The following LIMCH1 variants were observed in gnomAD, a reference collection of about 807,000 sequenced individuals.
LIMCH1 encodes LIM and calponin homology domains-containing protein 1.
LIMCH1 carries 113 observed loss-of-function variants against 176.5 expected under a neutral mutation model. That is an observed-to-expected ratio of 0.64 (90% CI 0.55 to 0.75). The LOEUF is 0.75. Ranked by LOEUF, LIMCH1 falls within the 30% of genes least tolerant of loss-of-function variation. LIMCH1 has a pLI of 0.00. For missense variants in LIMCH1, 1,674 were observed against 1,814.9 expected (o/e 0.92, Z 1.41); for synonymous variants, 619 against 645.9 (o/e 0.96, Z 0.63).
intron 2 of LIMCH1, among the ~76,000 whole-genome samples, chr4:41,516,332 C>A (rs1444477812): frequency 6.6e-6 from 1 of 152,090 alleles, no homozygotes; most frequent in African/African-American, 2.4e-5. Context: ...TGCAGTGGGC[C>A]TGTGGATTAG....
intron 1 of LIMCH1, among the ~76,000 whole-genome samples, chr4:41,438,698 T>TG (rs1455882651): frequency 7.2e-5 from 11 of 151,998 alleles, no homozygotes; most frequent in African/African-American, 1.7e-4. Flanking sequence ...CTATTTTTTT[T>TG]TTTTGTTTTG....
At chr4:41,537,996 CT>C (rs1233307016), upstream of LIMCH1, among the ~76,000 whole-genome samples, 3 of 152,202 alleles carry the variant, frequency 2.0e-5, no homozygotes, top group Admixed American at 2.0e-4. Flanking sequence ...TGCAAACCTA[CT>C]GTGTGCTAGT....
intron 31 of LIMCH1, among the ~76,000 whole-genome samples, chr4:41,693,780 G>C (rs1488768536): frequency 6.6e-6 from 1 of 152,088 alleles, no homozygotes; most frequent in Admixed American, 6.6e-5. Context: ...GTGAACCACA[G>C]TGAATGTAAT....
chr4:41,530,819 ATTT>A (rs71650934), intron 3 of LIMCH1, among the ~76,000 whole-genome samples: 10,278 of 84,166 alleles, frequency 0.12, 755 homozygotes, highest in South Asian at 0.25. Context: ...AAAAAAAAAA[ATTT>A]TTTTTTTTTT....
chr4:41,563,047 C>G (rs1181511585), intron 1 of LIMCH1, among the ~76,000 whole-genome samples: 1 of 152,156 alleles, frequency 6.6e-6, no homozygotes, highest in Non-Finnish European at 1.5e-5. Context: ...AAAGGATTGT[C>G]CTGTAAACTT....
intron 1 of LIMCH1, among the ~76,000 whole-genome samples, chr4:41,578,425 G>A (rs2084860513): frequency 6.6e-6 from 1 of 152,132 alleles, no homozygotes; most frequent in Non-Finnish European, 1.5e-5. Flanking sequence ...GATGAGATAT[G>A]GGTGGGGACA....
At chr4:41,419,602 CCG>C (rs2060308711) in intron 1 of LIMCH1, among the ~76,000 whole-genome samples, 4 of 70,558 alleles carry the variant, frequency 5.7e-5, no homozygotes, top group Admixed American at 4.2e-4. Context: ...TTCCTTCCTT[CCG>C]TCCTTCCTTC....
chr4:41,360,750 C>A (rs1328684013), upstream of LIMCH1: 4 of 883,924 alleles, frequency 4.5e-6, no homozygotes, highest in African/African-American at 7.1e-5. This position sits in a 1 kb window ranked among gnomAD's most constrained non-coding sequence, Gnocchi z 4.5. Context: ...GGGAGGCCGG[C>A]GGGCGGGAAG....
At chr4:41,591,115 T>A (rs917140451) in intron 1 of LIMCH1, among the ~76,000 whole-genome samples, 2 of 152,242 alleles carry the variant, frequency 1.3e-5, no homozygotes, top group Non-Finnish European at 2.9e-5. Context: ...GGTTATGGGT[T>A]TCCTAACAAG....
intron 4 of LIMCH1, among the ~76,000 whole-genome samples, chr4:41,610,772 G>A (rs1180108242): frequency 2.6e-5 from 4 of 152,098 alleles, no homozygotes; most frequent in Admixed American, 6.5e-5. Context: ...GTCGGTATTC[G>A]GAGACCATTC....
chr4:41,554,181 A>T (rs2080923642), intron 1 of LIMCH1, among the ~76,000 whole-genome samples: 1 of 152,226 alleles, frequency 6.6e-6, no homozygotes, highest in Admixed American at 6.5e-5. Flanking sequence ...TGTATTTAAT[A>T]GATCTTCCAC....
intron 1 of LIMCH1, among the ~76,000 whole-genome samples, chr4:41,441,390 G>C (rs2062685920): frequency 6.6e-6 from 1 of 151,998 alleles, no homozygotes; most frequent in Non-Finnish European, 1.5e-5. Flanking sequence ...TCCCATTTCT[G>C]AGTTTCTGTA....
chr4:41,587,356 G>A (rs1427965798), intron 1 of LIMCH1, among the ~76,000 whole-genome samples: 1 of 152,116 alleles, frequency 6.6e-6, no homozygotes, highest in African/African-American at 2.4e-5. Flanking sequence ...TACTGTGGGA[G>A]GGAACTTGAC....
At chr4:41,662,086 C>G (rs2094644473) in intron 19 of LIMCH1, 1 of 162,090 alleles carries the variant, frequency 6.2e-6, no homozygotes, top group Non-Finnish European at 1.4e-5. Flanking sequence ...CACCCTCTTT[C>G]AATACCAAAT....
At chr4:41,383,819 C>T (rs529836806) in intron 1 of LIMCH1, among the ~76,000 whole-genome samples, 2 of 152,188 alleles carry the variant, frequency 1.3e-5, no homozygotes, top group South Asian at 4.2e-4. Context: ...AGCTGTAGGG[C>T]TCTCTCTGTG....
chr4:41,697,731 T>C lies in LIMCH1; in HGVS notation c.*546T>C, dbSNP rs1731568359. The C allele has an allele frequency of 6.5e-6, 1 of 152,724 alleles. No homozygotes were observed. The highest frequency in any genetic ancestry group is 1.5e-5 in the Non-Finnish European group (1 of 68,394). 9.5% of individuals were successfully genotyped at this position (152,724 alleles called of 1,614,324 possible). A position where few individuals can be genotyped will look rare whatever the true frequency, so the allele number is the denominator to read the frequency against. ...TAATGCAAAGACACTAGTTTGATAA[T>C]ATATACTGTAATCCTGAAACATTTG... On this transcript the variant is annotated 3_prime_UTR_variant, in exon 32 of 32. Coordinates refer to ENST00000503057, the MANE Select transcript of LIMCH1 (RefSeq NM_001330672.2).
chr4:41,416,828 A>G (rs1002639798), intron 1 of LIMCH1, among the ~76,000 whole-genome samples: 6 of 152,170 alleles, frequency 3.9e-5, no homozygotes, highest in Non-Finnish European at 7.3e-5. Flanking sequence ...CCCAAAGGCC[A>G]AGGGAGCTGA....
intron 2 of LIMCH1, among the ~76,000 whole-genome samples, chr4:41,522,055 G>A (rs531608934): frequency 6.6e-6 from 1 of 152,222 alleles, no homozygotes; most frequent in East Asian, 1.9e-4. Flanking sequence ...AATGAATTTT[G>A]GGGTAGGACA....
At chr4:41,560,223 T>C (rs1584108468) in intron 1 of LIMCH1, among the ~76,000 whole-genome samples, 1 of 152,136 alleles carries the variant, frequency 6.6e-6, no homozygotes. Context: ...TTCTGTAGAT[T>C]CTAAGTCCAC....
Sources: gnomAD v4.1 joint callset for allele counts (sites outside exome capture counted in the v4.1 genomes callset) on GRCh38, gnomAD v4.1.1 for gene constraint, Gnocchi (gnomAD v3.1) non-coding constraint, MANE v1.5 for transcripts, NCBI Gene and HGNC (gene_info 2026-07-23, HGNC 2026-07-21) for gene names.